Variants in VPS39 observed in about 807,000 individuals in gnomAD.
VPS39 encodes VPS39 subunit of HOPS complex, also known as vam6/Vps39-like protein.
VPS39 carries 70 observed loss-of-function variants against 121.0 expected under a neutral mutation model. The observed-to-expected ratio is 0.58, with a 90% CI of 0.48 to 0.71. The LOEUF is 0.71. Ranked by LOEUF, VPS39 falls within the 30% of genes least tolerant of loss-of-function variation. The pLI, the probability that VPS39 is intolerant of heterozygous loss-of-function variation, is 0.00. For synonymous variants in VPS39, 378 were observed against 398.1 expected, an observed-to-expected ratio of 0.95 and a Z score of 0.60; for missense variants, 818 against 1,051.5, an observed-to-expected ratio of 0.78 and a Z score of 3.07.
chr15:42,162,296 C>A (rs1330756031), intron 22 of VPS39, 36 bp downstream of exon 22: 4 of 1,598,654 alleles, frequency 2.5e-6, no homozygotes, highest in Non-Finnish European at 3.4e-6. Flanking sequence ...GTGCTCCCTG[C>A]AAACACCCTC....
intron 2 of VPS39, among the ~76,000 whole-genome samples, chr15:42,195,370 T>C (rs1479495622): frequency 2.6e-5 from 4 of 152,132 alleles, no homozygotes; most frequent in Non-Finnish European, 1.5e-5. Context: ...AGCCCAGGAA[T>C]TCAAGTCCAG....
intron 2 of VPS39, among the ~76,000 whole-genome samples, chr15:42,197,351 A>C (rs2049963441): frequency 6.8e-6 from 1 of 147,324 alleles, no homozygotes; most frequent in Admixed American, 6.8e-5. Context: ...AAAAAACCTA[A>C]AAAAAAAAAA....
Position 42,191,504 on chromosome 15 carries a change from TC to T in VPS39, c.195del (p.Ile66PhefsTer17). The T allele has an allele frequency of 1.9e-6, 3 of 1,614,094 alleles. No homozygotes were observed. Among genetic ancestry groups the T allele is most frequent in the Non-Finnish European group, 1.7e-6 (2 of 1,179,988 alleles). On this transcript the variant is annotated frameshift_variant, in exon 3 of 25. Transcript: ENST00000318006. LOFTEE classifies it high-confidence loss of function. ...CTGCCATCACTGCTTACCTGCTGAATCTTTTTGGAGAAGTTCTTATTGGATT... is the reference window on the plus strand; with the variant it reads ...CTGCCATCACTGCTTACCTGCTGAATTTTTTGGAGAAGTTCTTATTGGATT... The part of the protein sequence containing the change: ...LEKSNKNFSK[K>X]IQQIHVVSQF...
intron 1 of VPS39, among the ~76,000 whole-genome samples, chr15:42,205,761 C>T (rs2050156632): frequency 6.6e-6 from 1 of 152,094 alleles, no homozygotes; most frequent in Non-Finnish European, 1.5e-5. Flanking sequence ...ATAGGGTGAT[C>T]AATGAGAAGA....
In VPS39 at chr15:42,167,430, T is replaced by C; in HGVS notation, c.1341A>G (p.Gln447=). The change falls in exon 13 of 25, where the codon CAA becomes CAG. Residue 447 remains glutamine (Q), a synonymous_variant. Coordinates refer to ENST00000318006, the MANE Select transcript of VPS39 (RefSeq NM_015289.5). ...PTIKSKKKLL[Q]IIDTTLLKCY... The stretch of plus-strand genomic sequence containing the variant: ...ACTTGAGCAGGGTGGTGTCGATGAT[T>C]TGTAGCAGCTTCTTCTTGGATTTGA... The C allele has an allele frequency of 6.2e-7, 1 of 1,614,166 alleles. No homozygotes were observed. Among genetic ancestry groups the C allele is most frequent in the Non-Finnish European group, 8.5e-7 (1 of 1,180,028 alleles).
At chr15:42,200,507 T>C (rs951868040) in intron 1 of VPS39, among the ~76,000 whole-genome samples, 1 of 152,176 alleles carries the variant, frequency 6.6e-6, no homozygotes, top group Non-Finnish European at 1.5e-5. Flanking sequence ...ATAATAAGCT[T>C]ACAGAATTCA....
chr15:42,188,097 T>C (rs962285985), intron 5 of VPS39, among the ~76,000 whole-genome samples: 2 of 152,128 alleles, frequency 1.3e-5, no homozygotes, highest in East Asian at 1.9e-4. Flanking sequence ...GCAAATCACA[T>C]GGACATTCAC....
chr15:42,161,544 C>T, intron 24 of VPS39, 138 bp downstream of exon 24: 2 of 898,708 alleles, frequency 2.2e-6, no homozygotes, highest in South Asian at 2.6e-5. Flanking sequence ...TCTGAAGGCT[C>T]AAGAACTAAA....
chr15:42,173,570 G>A, intron 11 of VPS39, 153 bp downstream of exon 11: 2 of 949,182 alleles, frequency 2.1e-6, no homozygotes, highest in Non-Finnish European at 3.1e-6. Context: ...TGTAACCACT[G>A]TGGTCACCCC....
chr15:42,186,670 G>C (rs2049709756), intron 7 of VPS39, among the ~76,000 whole-genome samples: 1 of 152,200 alleles, frequency 6.6e-6, no homozygotes, highest in Non-Finnish European at 1.5e-5. Context: ...TAAAACAATT[G>C]TATAGCATAG....
rs758846531 is a variant in VPS39, at chr15:42,164,459, T to C, written c.1925A>G (p.Glu642Gly). The change falls in exon 19 of 25, where the codon GAA becomes GGA. Residue 642 changes from glutamate to glycine, a missense_variant. Glu to Gly is a moderately conservative substitution (Grantham distance 98). Coordinates refer to ENST00000318006, the MANE Select transcript of VPS39 (RefSeq NM_015289.5). ...AGKTPVPAGE[E>G]EGELGEYRQK... The stretch of plus-strand genomic sequence containing the variant: ...CCGGTATTCTCCCAGCTCACCCTCT[T>C]CCTCTCCAGCTGGGACTGGGGTTTT... 6.2e-6 allele frequency: 10 copies of C among 1,613,890 alleles called. No individual in the cohort carries two copies. The East Asian group carries it at 2.2e-4, about 36-fold the overall frequency.
intron 2 of VPS39, chr15:42,192,105 C>CA: frequency 6.5e-7 from 1 of 1,536,056 alleles, no homozygotes; most frequent in African/African-American, 1.4e-5. Context: ...GGCACTGTTA[C>CA]AAAAAAGGGG....
At chr15:42,161,954 G>T in intron 23 of VPS39, 78 bp downstream of exon 23, 1 of 1,602,844 alleles carries the variant, frequency 6.2e-7, no homozygotes, top group Non-Finnish European at 8.5e-7. Context: ...CTCTGCCTTG[G>T]TCAGAAGGGA....
At position 42,159,059 on chromosome 15, in the gene VPS39, C is replaced by G. The variant is rs775400005; in HGVS notation, c.*1695G>C. On this transcript the variant is annotated 3_prime_UTR_variant, in exon 25 of 25. Transcript: ENST00000318006. ...AGAGTCCAAGCTGGCCCAGATGAGG[C>G]CCCGGGCAGCACTGCTTCTGTGTGG... The G allele has an allele frequency of 2.6e-5, 4 of 152,226 alleles. No homozygotes were observed. Among genetic ancestry groups the G allele is most frequent in the Non-Finnish European group, 5.9e-5 (4 of 68,070 alleles). 9.4% of individuals were successfully genotyped at this position (152,226 alleles called of 1,614,324 possible).
chr15:42,192,460 C>G (rs1207817465), intron 2 of VPS39, among the ~76,000 whole-genome samples: 5 of 152,154 alleles, frequency 3.3e-5, no homozygotes, highest in Admixed American at 6.5e-5. Context: ...GCCCTGCTAC[C>G]TGCCTTCTAC....
chr15:42,164,448 G>A lies in VPS39; in HGVS notation c.1936C>T (p.Leu646=), dbSNP rs765529417. ...AGGAGCTTTTGCCGGTATTCTCCCA[G>A]CTCACCCTCTTCCTCTCCAGCTGGG... ...PVPAGEEEGE[L]GEYRQKLLMF... The change falls in exon 19 of 25, where the codon CTG becomes TTG. Residue 646 remains leucine, a synonymous_variant. Transcript: ENST00000318006. 3.7e-6 allele frequency: 6 copies of A among 1,614,058 alleles called. No individual in the cohort carries two copies. The South Asian group carries it at 5.5e-5, about 15-fold the overall frequency.
chr15:42,169,885 T>C lies in VPS39; in HGVS notation c.1091-19A>G. ...GTGGGATCTATATGGAAGGTAAACA[T>C]GATTCCTCTGGAAAGGAGCCCAACA... On this transcript the variant is annotated intron_variant, in intron 11 of 24. Coordinates refer to ENST00000318006, the MANE Select transcript of VPS39 (RefSeq NM_015289.5). The C allele has an allele frequency of 6.3e-7, 1 of 1,596,382 alleles. No individual in the cohort carries two copies. Among genetic ancestry groups the C allele is most frequent in the Non-Finnish European group, 8.6e-7 (1 of 1,169,370 alleles).
rs764057120 is a variant in VPS39, at chr15:42,178,463, T to C, written c.826A>G (p.Ile276Val). Residue 276 changes from isoleucine to valine, a missense_variant, in exon 9 of 25, where the codon ATT (isoleucine) becomes GTT (valine). Coordinates refer to ENST00000318006, the MANE Select transcript of VPS39 (RefSeq NM_015289.5). Reference sequence around the variant, plus strand: ...GAAATTCCTTACCCTCCTGAGGTAATGAAACGGGGCCTTTGCAATTCAATG... The same window carrying C: ...GAAATTCCTTACCCTCCTGAGGTAACGAAACGGGGCCTTTGCAATTCAATG... ...QSIELQRPRFITSGGSNIIYV... is the reference protein window; with the variant it reads ...QSIELQRPRFVTSGGSNIIYV... 2 of 1,614,174 alleles carry C rather than the reference T, an allele frequency of 1.2e-6. No homozygotes were observed. The highest frequency in any genetic ancestry group is 1.7e-6 in the Non-Finnish European group (2 of 1,180,036).
intron 5 of VPS39, among the ~76,000 whole-genome samples, chr15:42,188,428 A>G (rs980717890): frequency 1.2e-4 from 18 of 152,218 alleles, no homozygotes; most frequent in Non-Finnish European, 2.2e-4. Flanking sequence ...GAACAATGAA[A>G]AGTCCCTAAT....
Sources: allele counts gnomAD v4.1 joint callset (sites outside exome capture counted in the v4.1 genomes callset), GRCh38; gene constraint gnomAD v4.1.1; transcripts MANE v1.5; gene names NCBI Gene and HGNC (gene_info 2026-07-23, HGNC 2026-07-21).